Variants in RECK observed in about 807,000 individuals in gnomAD.
RECK encodes the protein reversion inducing cysteine rich protein with kazal motifs.
In RECK, 69 loss-of-function variants were observed where a neutral mutation model predicts 115.1. The ratio of observed to expected loss-of-function variants is 0.60; its 90% CI spans 0.49 to 0.73. The LOEUF (loss-of-function observed/expected upper bound fraction) is 0.73, where lower values mean the gene tolerates loss of function less well. Among genes scored for constraint, RECK ranks in the 30% least tolerant of loss-of-function variants. The probability of loss-of-function intolerance (pLI) is 0.00; values close to 1 mark genes in which losing one functional copy is unlikely to be tolerated. For synonymous variants in RECK, 414 were observed against 419.7 expected (o/e 0.99, Z 0.17); for missense variants, 1,047 against 1,203.7 (o/e 0.87, Z 1.93).
chr9:36,111,642 C>T (rs538438655), intron 15 of RECK, among the ~76,000 whole-genome samples: 1 of 152,300 alleles, frequency 6.6e-6, no homozygotes, highest in South Asian at 2.1e-4. Context: ...GATCCGCCCA[C>T]CTCAGCCTCT....
At chr9:36,064,902 A>T (rs1053443514) in intron 5 of RECK, among the ~76,000 whole-genome samples, 6 of 152,120 alleles carry the variant, frequency 3.9e-5, no homozygotes, top group African/African-American at 1.4e-4. Context: ...GTGGAAAAAC[A>T]GCCACCCCTC....
At position 36,041,771 on chromosome 9, in the gene RECK, CT is replaced by C. The variant is rs35445082; in HGVS notation, c.100+4690del. ...TTTCCTCTCTCCCTCAATCAGCTTCCTTTTTTTTTTTTTTTTTGCACATAGT... is the reference window on the plus strand; with the variant it reads ...TTTCCTCTCTCCCTCAATCAGCTTCCTTTTTTTTTTTTTTTTGCACATAGT... On this transcript the variant is annotated intron_variant, in intron 1 of 20. Transcript: ENST00000377966. 7.9e-3 allele frequency among the ~76,000 whole-genome samples: 1,004 copies of C among 127,660 alleles called. 8 individuals are homozygous for C. The highest frequency in any genetic ancestry group is 0.024 in the African/African-American group (802 of 33,832). 83.7% of individuals were successfully genotyped at this position (127,660 alleles called of 152,430 possible).
rs1824295207 is a variant in RECK at position 36,117,046 on chromosome 9, G to A, written c.2122G>A (p.Glu708Lys). 6.2e-7 allele frequency: 1 copy of A among 1,614,072 alleles called. No homozygotes were observed. The highest frequency in any genetic ancestry group is 8.5e-7 in the Non-Finnish European group (1 of 1,179,956). Residue 708 changes from glutamate to lysine, a missense_variant, in exon 17 of 21, where the codon GAG becomes AAG. Coordinates refer to ENST00000377966, the MANE Select transcript of RECK (RefSeq NM_021111.3). ...TGATAAATTTGGATGTAGCCAGTAT[G>A]AGTGTGTACCAAGACAGCTCGCGTG... Reference protein sequence around the residue: ...TFDKFGCSQYECVPRQLACDQ... With the variant: ...TFDKFGCSQYKCVPRQLACDQ...
chr9:36,051,382 A>G lies in RECK; in HGVS notation c.101-883A>G, dbSNP rs117703704. Among the ~76,000 whole-genome samples, 1,108 of 152,248 alleles carry G rather than the reference A, an allele frequency of 7.3e-3. 11 individuals are homozygous for G. Among genetic ancestry groups the G allele is most frequent in the Non-Finnish European group, 0.011 (772 of 68,006 alleles). ...ATAATTACTACTTTGTTTCCTTCCC[A>G]TCGTTGCTAGACTTCTTATGACTCT... On this transcript the variant is annotated intron_variant, in intron 1 of 20. Transcript: ENST00000377966.
chr9:36,052,235 C>T (rs757013837), intron 1 of RECK, 30 bp from the exon 2 acceptor site: 23 of 1,438,248 alleles, frequency 1.6e-5, no homozygotes, highest in Non-Finnish European at 2.2e-5. Context: ...AACAGTGGAA[C>T]AACATTTGAT....
intron 11 of RECK, among the ~76,000 whole-genome samples, chr9:36,101,751 C>G (rs922788932): frequency 1.3e-5 from 2 of 152,136 alleles, no homozygotes; most frequent in African/African-American, 4.8e-5. Flanking sequence ...AGCAAACAAG[C>G]CAGCATAAGG....
chr9:36,065,597 T>C lies in RECK; in HGVS notation c.378T>C (p.Ile126=). 6.3e-7 allele frequency: 1 copy of C among 1,587,430 alleles called. No homozygotes were observed. The highest frequency in any genetic ancestry group is 8.6e-7 in the Non-Finnish European group (1 of 1,169,014). ...TTTAGGCATCTTCAAAGAATGATAT[T>C]TCCAAAGTTTGCAGAAAAGAATATG... ...ACKQASSKND[I]SKVCRKEYEN... Residue 126 remains isoleucine (I), a synonymous_variant, in exon 6 of 21, where the codon ATT becomes ATC. Coordinates refer to ENST00000377966, the MANE Select transcript of RECK (RefSeq NM_021111.3).
chr9:36,100,601 T>C, intron 11 of RECK, 58 bp downstream of exon 11: 1 of 1,274,976 alleles, frequency 7.8e-7, no homozygotes, highest in Non-Finnish European at 1.1e-6. Context: ...CCGTGATCTC[T>C]AGCCAGAGCC....
chr9:36,073,277 CAT>C lies in RECK; in HGVS notation c.406-7327_406-7326del. On this transcript the variant is annotated intron_variant, in intron 6 of 20. Coordinates refer to ENST00000377966, the MANE Select transcript of RECK (RefSeq NM_021111.3). ...ACACACACACACACACACACACACA[CAT>C]CCATCCCAAAACAAAACTTATGATT... 2.0e-5 allele frequency among the ~76,000 whole-genome samples: 3 copies of C among 148,576 alleles called. No homozygotes were observed. The East Asian group carries it at 6.0e-4, about 30-fold the overall frequency.
intron 1 of RECK, among the ~76,000 whole-genome samples, chr9:36,050,480 A>G (rs901523202): frequency 1.3e-5 from 2 of 152,204 alleles, no homozygotes; most frequent in African/African-American, 4.8e-5. Flanking sequence ...CCCTAGTTGA[A>G]GACACTACAG....
intron 13 of RECK, among the ~76,000 whole-genome samples, chr9:36,106,673 A>G (rs375290158): frequency 7.9e-5 from 12 of 152,148 alleles, no homozygotes; most frequent in African/African-American, 2.9e-4. Context: ...GAAATGTCGG[A>G]CTGTTTTAAA....
At position 36,118,907 on chromosome 9, in the gene RECK, T is replaced by C. The variant is rs1440008991; in HGVS notation, c.2404T>C (p.Cys802Arg). ...VLSEHSSVAE[C>R]ASVKCPSLLA... Reference sequence around the variant, plus strand: ...CTCAGAGCACAGCTCCGTCGCCGAGTGTGCTTCTGTCAAGTGTCCTTCGCT... The same window carrying C: ...CTCAGAGCACAGCTCCGTCGCCGAGCGTGCTTCTGTCAAGTGTCCTTCGCT... The change falls in exon 18 of 21, where the codon TGT (cysteine) becomes CGT (arginine). Residue 802 changes from cysteine to arginine, a missense_variant. By Grantham distance (180) the Cys-to-Arg change is radical. Coordinates refer to ENST00000377966, the MANE Select transcript of RECK (RefSeq NM_021111.3). The C allele has an allele frequency of 1.2e-6, 2 of 1,613,584 alleles. No homozygotes were observed. Among genetic ancestry groups the C allele is most frequent in the Non-Finnish European group, 1.7e-6 (2 of 1,180,004 alleles).
rs60192603 is a variant in RECK at position 36,069,480 on chromosome 9, CA to C, written c.405+3875del. ...CACTTGAACCTGGAGGTGGAGGTTG[CA>C]AAAAAAAAAAAAAAAAAAGAAGAGC... On this transcript the variant is annotated intron_variant, in intron 6 of 20. Coordinates refer to ENST00000377966, the MANE Select transcript of RECK (RefSeq NM_021111.3). 3.5e-3 allele frequency among the ~76,000 whole-genome samples: 297 copies of C among 84,970 alleles called. 1 individual carries two copies. The highest frequency in any genetic ancestry group is 6.8e-3 in the Non-Finnish European group (219 of 32,178). The allele number at this position is 84,970 out of a possible 152,430, so 55.7% of individuals were successfully genotyped here.
chr9:36,041,771 CTTT>C (rs35445082), intron 1 of RECK, among the ~76,000 whole-genome samples: 7 of 127,696 alleles, frequency 5.5e-5, no homozygotes, highest in East Asian at 2.2e-4. Context: ...AATCAGCTTC[CTTT>C]TTTTTTTTTT....
intron 7 of RECK, among the ~76,000 whole-genome samples, chr9:36,081,158 A>G (rs922725809): frequency 6.6e-6 from 1 of 152,144 alleles, no homozygotes; most frequent in Non-Finnish European, 1.5e-5. Context: ...AACAGTGGAG[A>G]ATGAAGGAAA....
At chr9:36,066,305 G>T (rs1267679940) in intron 6 of RECK, among the ~76,000 whole-genome samples, 1 of 152,142 alleles carries the variant, frequency 6.6e-6, no homozygotes, top group East Asian at 1.9e-4. Context: ...GTTCTTAAAT[G>T]TGACAATATT....
At chr9:36,110,343 T>C (rs1248234945) in intron 15 of RECK, among the ~76,000 whole-genome samples, 1 of 152,200 alleles carries the variant, frequency 6.6e-6, no homozygotes, top group Non-Finnish European at 1.5e-5. Flanking sequence ...GTGATTGGAA[T>C]GGGTTTAATT....
In RECK at chr9:36,118,759, CT is replaced by C; in HGVS notation, c.2260del (p.Cys754AlafsTer79). Reference protein sequence around the residue: ...SLSYKGPCQPFCRATEPVCGH... With the variant: ...SLSYKGPCQPXCRATEPVCGH... Reference sequence around the variant, plus strand: ...AAATGTGATTTGTTTGCCCTCAGCCCTTTTGCAGAGCAACCGAGCCCGTATG... The same window carrying C: ...AAATGTGATTTGTTTGCCCTCAGCCCTTTGCAGAGCAACCGAGCCCGTATG... On this transcript the variant is annotated frameshift_variant, in exon 18 of 21. Transcript: ENST00000377966. LOFTEE classifies it high-confidence loss of function. 6 of 1,613,678 alleles carry C rather than the reference CT, an allele frequency of 3.7e-6. No homozygotes were observed. The highest frequency in any genetic ancestry group is 1.1e-5 in the South Asian group (1 of 91,064).
At chr9:36,068,622 T>G (rs556094306) in intron 6 of RECK, among the ~76,000 whole-genome samples, 15 of 152,314 alleles carry the variant, frequency 9.8e-5, no homozygotes, top group African/African-American at 3.1e-4. Flanking sequence ...CTGAATCAAT[T>G]TTTATAGCTT....
Sources: allele counts gnomAD v4.1 joint callset (sites outside exome capture counted in the v4.1 genomes callset), GRCh38; gene constraint gnomAD v4.1.1; transcripts MANE v1.5; gene names NCBI Gene and HGNC (gene_info 2026-07-23, HGNC 2026-07-21).